The following RANBP2 variants were observed in gnomAD, a reference collection of about 807,000 sequenced individuals.
RANBP2 encodes E3 SUMO-protein ligase RanBP2.
A neutral mutation model predicts 303.6 loss-of-function variants in RANBP2; 57 were observed. The observed-to-expected ratio is 0.19, with a 90% CI of 0.15 to 0.23. The LOEUF (loss-of-function observed/expected upper bound fraction) is 0.23, where lower values mean the gene tolerates loss of function less well. RANBP2 is among the 10% of genes least tolerant of loss of function. The pLI is 1.00. For missense variants in RANBP2, 3,138 were observed against 3,780.8 expected (o/e 0.83, Z 4.46); for synonymous variants, 1,167 against 1,301.5 (o/e 0.90, Z 2.23).
At chr2:109,004,708 A>C in the RANBP2 span, among the ~76,000 whole-genome samples, 2 of 152,306 alleles carry the variant, frequency 1.3e-5, no homozygotes, top group African/African-American at 4.8e-5. Flanking sequence ...TCCTGGAAAG[A>C]ATCTCTCATC....
At chr2:109,253,904 C>T in the RANBP2 span, among the ~76,000 whole-genome samples, 1 of 152,090 alleles carries the variant, frequency 6.6e-6, no homozygotes. Context: ...TTTCTTCTTT[C>T]TAAAAGCATG....
chr2:109,270,025 G>A, the RANBP2 span, among the ~76,000 whole-genome samples: 1,926 of 152,300 alleles, frequency 0.013, 30 homozygotes, highest in African/African-American at 0.044. Context: ...AATAGATTGC[G>A]ATTGAAGCCA....
the RANBP2 span, among the ~76,000 whole-genome samples, chr2:109,212,014 T>C: frequency 6.6e-6 from 1 of 152,218 alleles, no homozygotes; most frequent in Non-Finnish European, 1.5e-5. Flanking sequence ...AAATGACTGA[T>C]TGAGCACCTG....
the RANBP2 span, among the ~76,000 whole-genome samples, chr2:109,281,692 G>A: frequency 6.6e-6 from 1 of 152,170 alleles, no homozygotes; most frequent in Admixed American, 6.5e-5. Context: ...TAGATTCAGG[G>A]TAGAGGAAAT....
the RANBP2 span, chr2:109,544,809 T>C: frequency 3.3e-5 from 25 of 751,090 alleles, no homozygotes; most frequent in Non-Finnish European, 4.1e-5. Flanking sequence ...ATGCCTACTA[T>C]GTACCAGACA....
chr2:108,771,621 A>G, intron 20 of RANBP2, 80 bp from the exon 21 acceptor site: 3 of 1,589,846 alleles, frequency 1.9e-6, no homozygotes, highest in Non-Finnish European at 2.6e-6. Flanking sequence ...GATAGGTTCC[A>G]TGGTTTTTAT....
the RANBP2 span, among the ~76,000 whole-genome samples, chr2:109,648,361 A>C: frequency 6.6e-6 from 1 of 152,070 alleles, no homozygotes; most frequent in Non-Finnish European, 1.5e-5. Flanking sequence ...TCTGATTTAC[A>C]CTTTTTTTTG....
chr2:109,683,566 A>G, the RANBP2 span, among the ~76,000 whole-genome samples: 1 of 152,016 alleles, frequency 6.6e-6, no homozygotes, highest in Non-Finnish European at 1.5e-5. Flanking sequence ...GTCACTTCCC[A>G]TGTTCATGTT....
chr2:109,320,570 C>T, the RANBP2 span, among the ~76,000 whole-genome samples: 2 of 152,242 alleles, frequency 1.3e-5, no homozygotes, highest in Non-Finnish European at 2.9e-5. Flanking sequence ...GTTTAGGCCT[C>T]TCCCCACCTA....
At chr2:109,036,674 G>T in the RANBP2 span, among the ~76,000 whole-genome samples, 1 of 152,136 alleles carries the variant, frequency 6.6e-6, no homozygotes, top group African/African-American at 2.4e-5. Context: ...GGAATGGCGG[G>T]GAGTGGTGGG....
At chr2:109,569,826 G>C in the RANBP2 span, among the ~76,000 whole-genome samples, 1 of 150,594 alleles carries the variant, frequency 6.6e-6, no homozygotes, top group Non-Finnish European at 1.5e-5. Context: ...TGCCCAAAGA[G>C]GGTCGCTTGT....
At chr2:109,242,042 C>T in the RANBP2 span, among the ~76,000 whole-genome samples, 1 of 152,056 alleles carries the variant, frequency 6.6e-6, no homozygotes, top group Non-Finnish European at 1.5e-5. Flanking sequence ...CTTCGTCCTG[C>T]AAGTGGCTGG....
the RANBP2 span, among the ~76,000 whole-genome samples, chr2:109,162,190 G>C: frequency 2.6e-5 from 4 of 152,178 alleles, no homozygotes; most frequent in Non-Finnish European, 4.4e-5. Context: ...AGATACCATG[G>C]ACCTTACTTT....
At chr2:109,742,803 C>T in the RANBP2 span, among the ~76,000 whole-genome samples, 15 of 147,970 alleles carry the variant, frequency 1.0e-4, 1 homozygote, top group African/African-American at 3.1e-4. Flanking sequence ...GAGAACATAA[C>T]GCTAGAACAA....
the RANBP2 span, among the ~76,000 whole-genome samples, chr2:109,011,913 A>G: frequency 3.3e-5 from 5 of 151,268 alleles, no homozygotes; most frequent in East Asian, 3.9e-4. Context: ...GTATGTGCAT[A>G]TGTGTGTGTG....
chr2:109,017,099 C>A, the RANBP2 span, among the ~76,000 whole-genome samples: 2 of 152,208 alleles, frequency 1.3e-5, no homozygotes, highest in African/African-American at 4.8e-5. Context: ...GTTTTTCTAT[C>A]TTGACTTATT....
the RANBP2 span, chr2:108,794,743 G>T: frequency 6.6e-7 from 1 of 1,509,996 alleles, no homozygotes; most frequent in Non-Finnish European, 9.1e-7. Context: ...ATACTGAATC[G>T]AGAATTCAGA....
the RANBP2 span, among the ~76,000 whole-genome samples, chr2:109,280,744 A>G: frequency 6.6e-6 from 1 of 152,218 alleles, no homozygotes; most frequent in African/African-American, 2.4e-5. Flanking sequence ...TCACCCGATG[A>G]GGGCTGTGAG....
At chr2:109,642,516 G>A in the RANBP2 span, among the ~76,000 whole-genome samples, 5 of 152,100 alleles carry the variant, frequency 3.3e-5, no homozygotes, top group African/African-American at 1.2e-4. Flanking sequence ...TTGGGAGGCC[G>A]AGGCGGGCGG....
Sources: gnomAD v4.1 joint callset for allele counts (sites outside exome capture counted in the v4.1 genomes callset) on GRCh38, gnomAD v4.1.1 for gene constraint, MANE v1.5 for transcripts, NCBI Gene and HGNC (gene_info 2026-07-23, HGNC 2026-07-21) for gene names.